ENOSF1: variants seen among roughly 807,000 people sequenced by gnomAD.
ENOSF1 encodes mitochondrial enolase superfamily member 1.
In ENOSF1, 73 loss-of-function variants were observed where a neutral mutation model predicts 68.2. The observed-to-expected ratio is 1.07, with a 90% CI of 0.89 to 1.30. The LOEUF (loss-of-function observed/expected upper bound fraction) is 1.30. Ranked by LOEUF, ENOSF1 falls within the 50% of genes most tolerant of loss-of-function variation. The pLI, the probability that ENOSF1 is intolerant of heterozygous loss-of-function variation, is 0.00. For synonymous variants in ENOSF1, 223 were observed against 210.4 expected (o/e 1.06, Z -0.52); for missense variants, 589 against 554.5 (o/e 1.06, Z -0.62).
At chr18:706,657 GGACA>G in intron 1 of ENOSF1, 79 bp from the exon 2 acceptor site, 1 of 1,073,964 alleles carries the variant, frequency 9.3e-7, no homozygotes, top group Non-Finnish European at 1.4e-6. Context: ...TGTCACATGA[GGACA>G]GACAATGCCA....
intron 14 of ENOSF1, among the ~76,000 whole-genome samples, chr18:676,470 C>T (rs1259966140): frequency 6.6e-6 from 1 of 152,180 alleles, no homozygotes; most frequent in African/African-American, 2.4e-5. Flanking sequence ...ACTCTCTCTT[C>T]CTCCTGCTCT....
chr18:686,340 G>A (rs1257758916), intron 9 of ENOSF1: 3 of 288,470 alleles, frequency 1.0e-5, no homozygotes, highest in Non-Finnish European at 2.0e-5. Flanking sequence ...GAACTGAAGA[G>A]GAGAGCGGGG....
chr18:688,167 C>CAAAA (rs113399783), intron 9 of ENOSF1: 16 of 145,868 alleles, frequency 1.1e-4, no homozygotes, highest in South Asian at 2.1e-4. Context: ...AACTTCATCT[C>CAAAA]AAAAAAAAAA....
chr18:667,535 TGATGGTGATGGTGATGGA>T (rs1567990900), downstream of ENOSF1, among the ~76,000 whole-genome samples: 120 of 72,042 alleles, frequency 1.7e-3, 7 homozygotes, highest in South Asian at 5.8e-3. Context: ...ATGGAGATGG[TGATGGTGATGGTGATGGA>T]GATGGTGATG....
At chr18:681,961 C>T (rs1329561227) in intron 11 of ENOSF1, among the ~76,000 whole-genome samples, 2 of 152,276 alleles carry the variant, frequency 1.3e-5, no homozygotes, top group South Asian at 2.1e-4. Flanking sequence ...ACCTCCAGTA[C>T]GACCCATGAA....
In ENOSF1 at chr18:680,676, G is replaced by GT. The variant is rs33931715; in HGVS notation, c.877-1940dup. ...GCTTCAGCTGTCACTATGCTGTTGT[G>GT]TTTTTTTTTTTTTTTTTTTTTTGAG... On this transcript the variant is annotated intron_variant, in intron 11 of 15. Coordinates refer to ENST00000647584, the MANE Select transcript of ENOSF1 (RefSeq NM_017512.7). Among the ~76,000 whole-genome samples, 447 of 101,002 alleles carry GT rather than the reference G, an allele frequency of 4.4e-3. 5 individuals are homozygous for GT. Among genetic ancestry groups the GT allele is most frequent in the South Asian group, 0.013 (37 of 2,926 alleles). The allele number at this position is 101,002 out of a possible 152,430, so 66.3% of individuals were successfully genotyped here. A position where few individuals can be genotyped will look rare whatever the true frequency, so the allele number is the denominator to read the frequency against.
chr18:678,758 T>G, intron 11 of ENOSF1, 21 bp from the exon 12 acceptor site: 1 of 1,613,958 alleles, frequency 6.2e-7, no homozygotes, highest in Non-Finnish European at 8.5e-7. Flanking sequence ...GAAGGCAGCC[T>G]GGTGTTATTT....
chr18:666,600 C>T (rs1481600337), downstream of ENOSF1, among the ~76,000 whole-genome samples: 1 of 152,144 alleles, frequency 6.6e-6, no homozygotes, highest in Admixed American at 6.5e-5. Flanking sequence ...GCAGGTGTCT[C>T]ATCTAAGGGG....
At chr18:674,639 CT>C (rs1035265983) in intron 15 of ENOSF1, among the ~76,000 whole-genome samples, 42 of 152,306 alleles carry the variant, frequency 2.8e-4, no homozygotes, top group African/African-American at 9.4e-4. Context: ...CTGCCTCAGC[CT>C]CCCATGTAGC....
At chr18:695,310 C>T (rs1270663036) in intron 3 of ENOSF1, among the ~76,000 whole-genome samples, 2 of 152,194 alleles carry the variant, frequency 1.3e-5, no homozygotes, top group African/African-American at 4.8e-5. Flanking sequence ...ATCAATACTA[C>T]ATAAGTGATT....
intron 14 of ENOSF1, chr18:675,627 G>A (rs568342290): frequency 1.2e-4 from 66 of 546,754 alleles, no homozygotes; most frequent in East Asian, 1.2e-3. Flanking sequence ...ATGAACACAC[G>A]AAGTCCCTCT....
rs2075665796 is a variant in ENOSF1 at position 677,802 on chromosome 18, C to CA, written c.988dup (p.Cys330LeufsTer8). 3 of 1,614,026 alleles carry CA rather than the reference C, an allele frequency of 1.9e-6. No homozygotes were observed. The African/African-American group carries it at 4.0e-5, about 22-fold the overall frequency. On this transcript the variant is annotated frameshift_variant, in exon 13 of 16. Coordinates refer to ENST00000647584, the MANE Select transcript of ENOSF1 (RefSeq NM_017512.7). LOFTEE classifies it high-confidence loss of function. ...GTTCTCATTGACACTGCCCAGTCTG[C>CA]AACTGTCAATCTGGAGGAACTGCAG...
chr18:706,761 C>T, intron 1 of ENOSF1, 183 bp from the exon 2 acceptor site: 1 of 426,712 alleles, frequency 2.3e-6, no homozygotes, highest in South Asian at 5.0e-5. Flanking sequence ...AAGGAATGTC[C>T]TCCTGAAAGA....
chr18:705,029 T>G (rs1035705983), intron 2 of ENOSF1, among the ~76,000 whole-genome samples: 1 of 152,238 alleles, frequency 6.6e-6, no homozygotes, highest in African/African-American at 2.4e-5. Context: ...AGCAGCCACC[T>G]GGGCAGTGTC....
At chr18:685,365 A>C (rs1429354907) in intron 10 of ENOSF1, among the ~76,000 whole-genome samples, 1 of 152,124 alleles carries the variant, frequency 6.6e-6, no homozygotes, top group African/African-American at 2.4e-5. Context: ...TAAAAAAAAA[A>C]AGCAGCATTA....
Position 694,246 on chromosome 18 carries a change from AC to A in ENOSF1, c.396+1del. 6.2e-7 allele frequency: 1 copy of A among 1,613,950 alleles called. No homozygotes were observed. On this transcript the variant is annotated splice_donor_variant, in intron 4 of 15. Coordinates refer to ENST00000647584, the MANE Select transcript of ENOSF1 (RefSeq NM_017512.7). LOFTEE classifies it high-confidence loss of function. ...CTCCTGAGCGTTTGTGAGAGGGGTT[AC>A]CTTTCCCTCCTGCTTGGCCCACAAG...
chr18:685,921 C>CA lies in ENOSF1; in HGVS notation c.740dup (p.Leu247PhefsTer13). 6.2e-7 allele frequency: 1 copy of CA among 1,612,790 alleles called. No individual in the cohort carries two copies. The highest frequency in any genetic ancestry group is 8.5e-7 in the Non-Finnish European group (1 of 1,178,850). ...CTTAGTGGTGTGAGAGGATATTTAC[C>CA]AAAGTCTTTTCCGGTCCAATCATGT... On this transcript the variant is annotated frameshift_variant and splice_region_variant, in exon 10 of 16. Coordinates refer to ENST00000647584, the MANE Select transcript of ENOSF1 (RefSeq NM_017512.7). LOFTEE classifies it high-confidence loss of function.
At chr18:692,547 A>G in intron 5 of ENOSF1, 1 of 263,120 alleles carries the variant, frequency 3.8e-6, no homozygotes, top group Non-Finnish European at 5.9e-6. Context: ...CAGTGAGCTG[A>G]GATCATGCCA....
chr18:670,503 G>A lies in ENOSF1; in HGVS notation c.*3802C>T, dbSNP rs375299193. The A allele has an allele frequency of 1.7e-4, 100 of 599,334 alleles. No individual in the cohort carries two copies. The highest frequency in any genetic ancestry group is 2.4e-4 in the Non-Finnish European group (83 of 342,546). The allele number at this position is 599,334 out of a possible 1,614,324, so 37.1% of individuals were successfully genotyped here. ...TGGACACCTGCAGAAACCTTGCACCGATGGATAGTCTCCCTCAGCTCCGTG... is the reference window on the plus strand; with the variant it reads ...TGGACACCTGCAGAAACCTTGCACCAATGGATAGTCTCCCTCAGCTCCGTG... On this transcript the variant is annotated 3_prime_UTR_variant, in exon 16 of 16. Transcript: ENST00000647584.
Sources: gnomAD v4.1 joint callset for allele counts (sites outside exome capture counted in the v4.1 genomes callset) on GRCh38, gnomAD v4.1.1 for gene constraint, MANE v1.5 for transcripts, NCBI Gene and HGNC (gene_info 2026-07-23, HGNC 2026-07-21) for gene names.